MAST2: variants seen among roughly 807,000 people sequenced by gnomAD.
The protein encoded by MAST2 is microtubule associated serine/threonine kinase 2.
A neutral mutation model predicts 147.4 loss-of-function variants in MAST2; 70 were observed. That is an observed-to-expected ratio of 0.47 (90% CI 0.39 to 0.58). MAST2 has a LOEUF of 0.58. MAST2 is among the 20% of genes least tolerant of loss of function. MAST2 has a pLI of 0.00. For synonymous variants in MAST2, 869 were observed against 896.8 expected, an observed-to-expected ratio of 0.97 and a Z score of 0.55; for missense variants, 2,080 against 2,302.3, an observed-to-expected ratio of 0.90 and a Z score of 1.98.
chr1:45,916,515 G>T (rs957540144), intron 4 of MAST2, among the ~76,000 whole-genome samples: 5 of 151,920 alleles, frequency 3.3e-5, no homozygotes, highest in Non-Finnish European at 7.4e-5. Context: ...GTTTTTATGG[G>T]AAAAAATAAC....
intron 5 of MAST2, among the ~76,000 whole-genome samples, chr1:45,965,568 A>G (rs12740503): frequency 0.45 from 67,879 of 151,692 alleles, 15,354 homozygotes; most frequent in East Asian, 0.63. Flanking sequence ...TTTGTTTTCC[A>G]TTTGCTTGGT....
chr1:45,877,840 C>G (rs973968766), intron 3 of MAST2, among the ~76,000 whole-genome samples: 20 of 151,966 alleles, frequency 1.3e-4, no homozygotes, highest in African/African-American at 4.8e-4. Flanking sequence ...AGATTATTAT[C>G]CCTTATGAAA....
chr1:45,914,396 A>G (rs1311425377), intron 4 of MAST2, among the ~76,000 whole-genome samples: 1 of 152,182 alleles, frequency 6.6e-6, no homozygotes, highest in African/African-American at 2.4e-5. Flanking sequence ...TTATTAGGTG[A>G]GAATATCAAA....
intron 3 of MAST2, among the ~76,000 whole-genome samples, chr1:45,876,941 G>T (rs988107309): frequency 8.5e-5 from 13 of 152,188 alleles, no homozygotes; most frequent in Non-Finnish European, 1.5e-5. Context: ...TATTCAAGAA[G>T]TCAGAACTGT....
At chr1:46,030,362 G>A (rs539375149) in intron 21 of MAST2, 124 bp downstream of exon 21, 2 of 998,612 alleles carry the variant, frequency 2.0e-6, no homozygotes, top group East Asian at 2.6e-5. Context: ...AGAAAAAGAG[G>A]AGCTAAGGGT....
At chr1:45,926,154 G>A (rs1220447364) in intron 4 of MAST2, among the ~76,000 whole-genome samples, 2 of 152,130 alleles carry the variant, frequency 1.3e-5, no homozygotes, top group African/African-American at 2.4e-5. Flanking sequence ...CATAGTGGTG[G>A]TAGGCAGATT....
chr1:45,806,425 G>T (rs1466538447), intron 1 of MAST2, among the ~76,000 whole-genome samples: 3 of 152,090 alleles, frequency 2.0e-5, no homozygotes, highest in Non-Finnish European at 4.4e-5. Flanking sequence ...TTTGAGACAG[G>T]ATCTCACTCT....
chr1:45,875,090 T>C (rs1557856440), intron 3 of MAST2, among the ~76,000 whole-genome samples: 1 of 152,184 alleles, frequency 6.6e-6, no homozygotes, highest in Non-Finnish European at 1.5e-5. Context: ...CCCTGTAGAC[T>C]ACAGAAAGGA....
chr1:46,003,841 G>A (rs188270758), intron 7 of MAST2, among the ~76,000 whole-genome samples: 23 of 152,262 alleles, frequency 1.5e-4, no homozygotes, highest in Non-Finnish European at 3.4e-4. Context: ...TGGAGTAAAT[G>A]TTTTAGTCTT....
intron 3 of MAST2, among the ~76,000 whole-genome samples, chr1:45,837,942 C>T (rs1645152795): frequency 6.6e-6 from 1 of 152,128 alleles, no homozygotes; most frequent in African/African-American, 2.4e-5. Context: ...CCACGCCCAG[C>T]TGATTTTCGT....
chr1:45,879,085 G>A (rs545769256), intron 3 of MAST2, among the ~76,000 whole-genome samples: 1 of 152,136 alleles, frequency 6.6e-6, no homozygotes, highest in Admixed American at 6.5e-5. Context: ...AATCATGATA[G>A]TGTGGTGCTT....
At chr1:45,938,684 A>C (rs1437626752) in intron 4 of MAST2, among the ~76,000 whole-genome samples, 1 of 152,226 alleles carries the variant, frequency 6.6e-6, no homozygotes, top group Non-Finnish European at 1.5e-5. Context: ...GCATCATTTC[A>C]CATTCACAGA....
At chr1:45,820,828 T>G (rs1301809590) in intron 1 of MAST2, among the ~76,000 whole-genome samples, 1 of 134,688 alleles carries the variant, frequency 7.4e-6, no homozygotes, top group Non-Finnish European at 1.6e-5. Flanking sequence ...TGATGGACTC[T>G]GTCTGCTTTT....
intron 4 of MAST2, among the ~76,000 whole-genome samples, chr1:45,955,277 A>G (rs934446332): frequency 5.9e-5 from 9 of 152,214 alleles, no homozygotes; most frequent in East Asian, 3.8e-4. Flanking sequence ...AAAAGAGCAT[A>G]CATAATATTC....
chr1:45,875,411 A>G (rs954879782), intron 3 of MAST2, among the ~76,000 whole-genome samples: 1 of 152,168 alleles, frequency 6.6e-6, no homozygotes, highest in Non-Finnish European at 1.5e-5. Flanking sequence ...GCGCCACTGC[A>G]CTCCAGCCTG....
rs76688123 is a variant in MAST2 at position 45,996,855 on chromosome 1, G to A, written c.593-869G>A. Among the ~76,000 whole-genome samples the A allele has an allele frequency of 5.3e-5, 8 of 152,318 alleles. No individual in the cohort carries two copies. The South Asian group carries it at 1.0e-3, about 20-fold the overall frequency. On this transcript the variant is annotated intron_variant, in intron 5 of 28. Transcript: ENST00000361297. The stretch of plus-strand genomic sequence containing the variant: ...ACATACTATCCAAGAGAAAGCCAGC[G>A]CATGTTGAAGTACCAGGCCCCTGGG...
chr1:45,947,952 G>A (rs1460510833), intron 4 of MAST2, among the ~76,000 whole-genome samples: 1 of 152,136 alleles, frequency 6.6e-6, no homozygotes, highest in East Asian at 1.9e-4. Context: ...TGCTGACCTC[G>A]TGATCCACCT....
At chr1:45,828,675 C>T (rs1644862761) in intron 2 of MAST2, among the ~76,000 whole-genome samples, 4 of 152,174 alleles carry the variant, frequency 2.6e-5, no homozygotes, top group Admixed American at 1.3e-4. Flanking sequence ...GTAATCCCAG[C>T]ACTATGGGAG....
rs533324732 is a variant in MAST2 at position 45,803,630 on chromosome 1, C to T, written c.-266C>T. The T allele has an allele frequency of 2.1e-4, 49 of 238,288 alleles. No homozygotes were observed. The East Asian group carries it at 2.2e-3, about 11-fold the overall frequency. The allele number at this position is 238,288 out of a possible 1,614,324, so 14.8% of individuals were successfully genotyped here. On this transcript the variant is annotated 5_prime_UTR_variant, in exon 1 of 29. Coordinates refer to ENST00000361297, the MANE Select transcript of MAST2 (RefSeq NM_015112.3). ...GCTGGCTGTAGGCAGGCGGCTGAGC[C>T]GGCGGCGGGTGGCCTGCCCAACGTG...
Sources: gnomAD v4.1 joint callset for allele counts (sites outside exome capture counted in the v4.1 genomes callset) on GRCh38, gnomAD v4.1.1 for gene constraint, MANE v1.5 for transcripts, NCBI Gene and HGNC (gene_info 2026-07-23, HGNC 2026-07-21) for gene names.